UBN2: variants seen among roughly 807,000 people sequenced by gnomAD.
UBN2 encodes ubinuclein 2.
Under a neutral mutation model 120.2 loss-of-function variants are expected in UBN2, and 35 were observed. The ratio of observed to expected loss-of-function variants is 0.29; its 90% CI spans 0.22 to 0.39. UBN2 has a LOEUF of 0.39. Among genes scored for constraint, UBN2 ranks in the 10% least tolerant of loss-of-function variants. UBN2 has a pLI of 1.00. For missense variants in UBN2, 1,693 were observed against 1,663.2 expected, an observed-to-expected ratio of 1.02 and a Z score of -0.31; for synonymous variants, 661 against 648.7, an observed-to-expected ratio of 1.02 and a Z score of -0.29.
intron 2 of UBN2, among the ~76,000 whole-genome samples, chr7:139,247,473 T>C (rs1796501597): frequency 6.6e-6 from 1 of 152,182 alleles, no homozygotes; most frequent in African/African-American, 2.4e-5. Flanking sequence ...CATATAGAAT[T>C]TTTAAAAGAA....
At chr7:139,311,588 A>G (rs1798447567), downstream of UBN2, among the ~76,000 whole-genome samples, 1 of 151,826 alleles carries the variant, frequency 6.6e-6, no homozygotes, top group Admixed American at 6.6e-5. Flanking sequence ...CACCTAGCAC[A>G]GTGCCTAGCA....
At position 139,296,634 on chromosome 7, in the gene UBN2, C is replaced by G. The variant is rs1422489589; in HGVS notation, c.3995-1153C>G. Among the ~76,000 whole-genome samples, 5 of 152,164 alleles carry G rather than the reference C, an allele frequency of 3.3e-5. No individual in the cohort carries two copies. In the East Asian group the frequency reaches 9.6e-4, roughly 29 times the overall value. ...ACCCTTGCCCTGGTATCCCCCTTTC[C>G]TCTCCTCCTGTCCAGTTTTTGTAGG... On this transcript the variant is annotated intron_variant, in intron 17 of 17. Transcript: ENST00000473989.
At position 139,284,192 on chromosome 7, in the gene UBN2, C is replaced by T. The variant is rs540132117; in HGVS notation, c.3287C>T (p.Ala1096Val). ...TVSPSSSSPN[A>V]LVAQGSHSST... ...TCCCCAAGTAGTTCCAGTCCAAATG[C>T]ACTAGTTGCCCAGGGTAGCCACTCC... is the stretch of plus-strand genomic sequence containing the variant. Residue 1096 changes from alanine to valine, a missense_variant, in exon 15 of 18, where the codon GCA becomes GTA. Coordinates refer to ENST00000473989, the MANE Select transcript of UBN2 (RefSeq NM_173569.4). The T allele has an allele frequency of 2.8e-5, 46 of 1,614,184 alleles. No homozygotes were observed. The East Asian group carries it at 8.9e-4, about 31-fold the overall frequency.
chr7:139,255,690 T>G (rs956761720), intron 3 of UBN2, among the ~76,000 whole-genome samples: 1 of 152,218 alleles, frequency 6.6e-6, no homozygotes, highest in African/African-American at 2.4e-5. Flanking sequence ...AAATGATTCT[T>G]GTTCTTTTCA....
chr7:139,318,624 T>C, the UBN2 span, among the ~76,000 whole-genome samples: 1 of 152,118 alleles, frequency 6.6e-6, no homozygotes, highest in Non-Finnish European at 1.5e-5. Context: ...GTCTCCCAAA[T>C]AGTTGGGACT....
In UBN2 at chr7:139,308,136, C is replaced by T. The variant is rs981684929; in HGVS notation, c.*10300C>T. 6.6e-6 allele frequency: 1 copy of T among 150,986 alleles called. No individual in the cohort carries two copies. Among genetic ancestry groups the T allele is most frequent in the African/African-American group, 2.4e-5 (1 of 41,032 alleles). The allele number at this position is 150,986 out of a possible 1,614,324, so 9.4% of individuals were successfully genotyped here. On this transcript the variant is annotated 3_prime_UTR_variant, in exon 18 of 18. Transcript: ENST00000473989. ...CTTATTTGATTCAGTGTAGATGTTT[C>T]CTGTCTATCCTTTGTGACAGGGCCT...
At position 139,298,020 on chromosome 7, in the gene UBN2, A is replaced by G; in HGVS notation, c.*184A>G. 1 of 615,056 alleles carries G rather than the reference A, an allele frequency of 1.6e-6. No homozygotes were observed. Among genetic ancestry groups the G allele is most frequent in the South Asian group, 2.2e-5 (1 of 45,200 alleles). 38.1% of individuals were successfully genotyped at this position (615,056 alleles called of 1,614,324 possible). ...TTGAGCAAAGCCAGGTGCAGGAGGAAGAAATGCTTTTGTGCAAAGTTAGTG... is the reference window on the plus strand; with the variant it reads ...TTGAGCAAAGCCAGGTGCAGGAGGAGGAAATGCTTTTGTGCAAAGTTAGTG... On this transcript the variant is annotated 3_prime_UTR_variant, in exon 18 of 18. Coordinates refer to ENST00000473989, the MANE Select transcript of UBN2 (RefSeq NM_173569.4).
At chr7:139,311,292 A>T (rs925142757), downstream of UBN2, among the ~76,000 whole-genome samples, 2 of 152,202 alleles carry the variant, frequency 1.3e-5, no homozygotes, top group African/African-American at 4.8e-5. Context: ...TCGGGCCTCC[A>T]TATGTGCCTA....
At chr7:139,310,959 A>G (rs911131928), downstream of UBN2, among the ~76,000 whole-genome samples, 1 of 152,166 alleles carries the variant, frequency 6.6e-6, no homozygotes, top group Admixed American at 6.5e-5. Context: ...GTAAACCACA[A>G]TATCGTTTAT....
chr7:139,250,289 G>T (rs939526700), intron 2 of UBN2, among the ~76,000 whole-genome samples: 6 of 152,060 alleles, frequency 3.9e-5, no homozygotes, highest in African/African-American at 1.2e-4. Flanking sequence ...CTGAAGTGCA[G>T]TGGTACCATC....
rs1282409380 is a variant in UBN2 at position 139,302,970 on chromosome 7, C to T, written c.*5134C>T. ...AAGGTGCGCTAGACTAAACATGTGA[C>T]AAGGCTAGCGTTAGAACCGCAGTTT... On this transcript the variant is annotated 3_prime_UTR_variant, in exon 18 of 18. Coordinates refer to ENST00000473989, the MANE Select transcript of UBN2 (RefSeq NM_173569.4). 6.6e-6 allele frequency: 1 copy of T among 152,116 alleles called. No individual in the cohort carries two copies. Among genetic ancestry groups the T allele is most frequent in the African/African-American group, 2.4e-5 (1 of 41,426 alleles). The allele number at this position is 152,116 out of a possible 1,614,324, so 9.4% of individuals were successfully genotyped here.
Position 139,255,627 on chromosome 7 carries a change from AT to A in UBN2, c.664-2858del, listed in dbSNP as rs780763666. Among the ~76,000 whole-genome samples the A allele has an allele frequency of 9.2e-5, 14 of 152,046 alleles. 1 individual carries two copies. Among genetic ancestry groups the A allele is most frequent in the South Asian group, 6.2e-4 (3 of 4,828 alleles). On this transcript the variant is annotated intron_variant, in intron 3 of 17. Transcript: ENST00000473989. ...TTAGTGTCTTTGCCCTTGACATATT[AT>A]TTGTTTTTTTTTAATGAGATAATTC...
intron 2 of UBN2, 70 bp from the exon 3 acceptor site, chr7:139,251,886 A>G: frequency 6.9e-7 from 1 of 1,441,030 alleles, no homozygotes; most frequent in South Asian, 1.2e-5. Context: ...GAATTCTTCT[A>G]ACAGGTCTTT....
intron 12 of UBN2, 116 bp from the exon 13 acceptor site, chr7:139,279,202 A>T (rs551897069): frequency 7.2e-6 from 6 of 829,548 alleles, no homozygotes; most frequent in Non-Finnish European, 1.2e-5. Context: ...GGTTCCTTCA[A>T]AGAGCTTTCC....
In UBN2 at chr7:139,298,453, A is replaced by ATC. The variant is rs1167652812; in HGVS notation, c.*617_*618insTC. 1 of 152,172 alleles carries ATC rather than the reference A, an allele frequency of 6.6e-6. No individual in the cohort carries two copies. Among genetic ancestry groups the ATC allele is most frequent in the Admixed American group, 6.5e-5 (1 of 15,274 alleles). The allele number at this position is 152,172 out of a possible 1,614,324, so 9.4% of individuals were successfully genotyped here. On this transcript the variant is annotated 3_prime_UTR_variant, in exon 18 of 18. Transcript: ENST00000473989. ...ATCAGTGGACTAAAGATCCTTCAGG[A>ATC]AAGTTATTTTAGCACAGTGATATAT...
In UBN2 at chr7:139,303,529, T is replaced by A. The variant is rs1798306712; in HGVS notation, c.*5693T>A. On this transcript the variant is annotated 3_prime_UTR_variant, in exon 18 of 18. Transcript: ENST00000473989. ...CGAGTGTTATTCTTGAATGACTATGTCTAGGGGGAATATTGTTTAACCTTC... is the reference window on the plus strand; with the variant it reads ...CGAGTGTTATTCTTGAATGACTATGACTAGGGGGAATATTGTTTAACCTTC... 1 of 152,224 alleles carries A rather than the reference T, an allele frequency of 6.6e-6. No individual in the cohort carries two copies. 9.4% of individuals were successfully genotyped at this position (152,224 alleles called of 1,614,324 possible). A position where few individuals can be genotyped will look rare whatever the true frequency, so the allele number is the denominator to read the frequency against.
chr7:139,313,664 C>T, the UBN2 span, among the ~76,000 whole-genome samples: 1 of 152,040 alleles, frequency 6.6e-6, no homozygotes, highest in Non-Finnish European at 1.5e-5. Flanking sequence ...ACATTAAAAT[C>T]TTTGTTCCTT....
rs1798369650 is a variant in UBN2, at chr7:139,307,020, G to C, written c.*9184G>C. On this transcript the variant is annotated 3_prime_UTR_variant, in exon 18 of 18. Coordinates refer to ENST00000473989, the MANE Select transcript of UBN2 (RefSeq NM_173569.4). ...CATACTTCGGTGTGAATTTTGATAA[G>C]GGAAAGACTTGTTTGGTAGCCCAAG... 1 of 152,150 alleles carries C rather than the reference G, an allele frequency of 6.6e-6. No individual in the cohort carries two copies. The highest frequency in any genetic ancestry group is 2.4e-5 in the African/African-American group (1 of 41,436). 9.4% of individuals were successfully genotyped at this position (152,150 alleles called of 1,614,324 possible).
Position 139,300,436 on chromosome 7 carries a change from C to T in UBN2, c.*2600C>T, listed in dbSNP as rs1585036720. 1 of 152,160 alleles carries T rather than the reference C, an allele frequency of 6.6e-6. No individual in the cohort carries two copies. Among genetic ancestry groups the T allele is most frequent in the Admixed American group, 6.5e-5 (1 of 15,276 alleles). 9.4% of individuals were successfully genotyped at this position (152,160 alleles called of 1,614,324 possible). On this transcript the variant is annotated 3_prime_UTR_variant, in exon 18 of 18. Coordinates refer to ENST00000473989, the MANE Select transcript of UBN2 (RefSeq NM_173569.4). Reference sequence around the variant, plus strand: ...CATAACATTGAAAAAGGTGCCCATACTTTATGGTCACCTGTCTTTACCGTT... The same window carrying T: ...CATAACATTGAAAAAGGTGCCCATATTTTATGGTCACCTGTCTTTACCGTT...
Sources: allele counts gnomAD v4.1 joint callset (sites outside exome capture counted in the v4.1 genomes callset), GRCh38; gene constraint gnomAD v4.1.1; transcripts MANE v1.5; gene names NCBI Gene and HGNC (gene_info 2026-07-23, HGNC 2026-07-21).